The following CAST variants were observed in gnomAD, a reference collection of about 807,000 sequenced individuals.
CAST encodes the protein MIR583 host.
CAST carries 76 observed loss-of-function variants against 119.6 expected under a neutral mutation model. That is an observed-to-expected ratio of 0.64 (90% confidence interval 0.53 to 0.77). CAST has a LOEUF of 0.77. Ranked by LOEUF, CAST falls within the 30% of genes least tolerant of loss-of-function variation. The pLI, the probability that CAST is intolerant of heterozygous loss-of-function variation, is 0.00. For missense variants in CAST, 953 were observed against 946.5 expected, an observed-to-expected ratio of 1.01 and a Z score of -0.09; for synonymous variants, 319 against 331.6, an observed-to-expected ratio of 0.96 and a Z score of 0.41.
At chr5:96,320,906 C>G in the CAST span, among the ~76,000 whole-genome samples, 1 of 152,098 alleles carries the variant, frequency 6.6e-6, no homozygotes, top group Non-Finnish European at 1.5e-5. Flanking sequence ...ATCTGATAGT[C>G]CCCCTTCCCC....
the CAST span, among the ~76,000 whole-genome samples, chr5:96,469,872 TATATATA>T: frequency 4.9e-5 from 5 of 101,842 alleles, no homozygotes; most frequent in African/African-American, 1.5e-4. Context: ...TGTGTATATA[TATATATA>T]ATATATATAT....
chr5:96,202,982 T>A, the CAST span, among the ~76,000 whole-genome samples: 1 of 152,048 alleles, frequency 6.6e-6, no homozygotes, highest in Non-Finnish European at 1.5e-5. Context: ...CATATAAAAT[T>A]TCTACAACTG....
intron 1 of CAST, among the ~76,000 whole-genome samples, chr5:96,598,863 T>C (rs1255175175): frequency 6.6e-6 from 1 of 152,170 alleles, no homozygotes; most frequent in East Asian, 1.9e-4. Context: ...TCTGACTGCT[T>C]TGGGCTGGGA....
At chr5:96,518,397 A>G in the CAST span, among the ~76,000 whole-genome samples, 1 of 152,168 alleles carries the variant, frequency 6.6e-6, no homozygotes, top group Non-Finnish European at 1.5e-5. Context: ...AGGGTGAGAG[A>G]CTCGTGCTTC....
chr5:96,001,161 A>C, the CAST span, among the ~76,000 whole-genome samples: 4 of 152,228 alleles, frequency 2.6e-5, no homozygotes. Flanking sequence ...TTATTCATTA[A>C]GTCAACATTT....
the CAST span, among the ~76,000 whole-genome samples, chr5:96,393,950 A>G: frequency 6.6e-5 from 10 of 152,334 alleles, no homozygotes; most frequent in African/African-American, 2.2e-4. Flanking sequence ...AAGTGTTTCA[A>G]TATTCCAACA....
the CAST span, among the ~76,000 whole-genome samples, chr5:96,073,551 A>AT: frequency 0.016 from 2,370 of 151,956 alleles, 29 homozygotes; most frequent in Non-Finnish European, 0.028. Context: ...CTTGAAGACA[A>AT]TTTTTCCACG....
At chr5:96,349,137 C>CTTTTTTTTTTTTTTTTTTT in the CAST span, among the ~76,000 whole-genome samples, 10 of 31,294 alleles carry the variant, frequency 3.2e-4, no homozygotes, top group African/African-American at 1.4e-3. Context: ...AACAAGGACA[C>CTTTTTTTTTTTTTTTTTTT]TATTTTTTTT....
intron 22 of CAST, among the ~76,000 whole-genome samples, chr5:96,755,684 ATG>A (rs1403421618): frequency 6.6e-6 from 1 of 152,222 alleles, no homozygotes; most frequent in Non-Finnish European, 1.5e-5. Flanking sequence ...TCACTCATCC[ATG>A]TGCACTAGCC....
At chr5:96,140,935 T>C in the CAST span, among the ~76,000 whole-genome samples, 1 of 152,216 alleles carries the variant, frequency 6.6e-6, no homozygotes, top group African/African-American at 2.4e-5. Context: ...CATTACACTG[T>C]GTCTTTTTGA....
chr5:96,447,233 A>G, the CAST span, among the ~76,000 whole-genome samples: 1 of 152,246 alleles, frequency 6.6e-6, no homozygotes. Context: ...CAAGTGATAC[A>G]GTGACAGCTG....
chr5:96,172,342 CAGTT>C, the CAST span, among the ~76,000 whole-genome samples: 7 of 152,314 alleles, frequency 4.6e-5, no homozygotes, highest in South Asian at 1.5e-3. Context: ...TGTGATTCTT[CAGTT>C]ACTTCAGCCA....
At chr5:96,356,824 T>G in the CAST span, among the ~76,000 whole-genome samples, 7 of 152,234 alleles carry the variant, frequency 4.6e-5, no homozygotes, top group Admixed American at 4.6e-4. Context: ...GGCTCTTTTT[T>G]GCTTCTATAT....
In CAST at chr5:96,774,377, G is replaced by A. The variant is rs1773561497; in HGVS notation, c.*1761G>A. 1.5e-5 allele frequency: 5 copies of A among 338,070 alleles called. No homozygotes were observed. The highest frequency in any genetic ancestry group is 1.2e-4 in the South Asian group (1 of 8,548). The allele number at this position is 338,070 out of a possible 1,614,324, so 20.9% of individuals were successfully genotyped here. ...TTCTTTTTTAATTAGAAATATCTTC[G>A]AGACTTGGGTGTTTGTTAATAACTA... On this transcript the variant is annotated 3_prime_UTR_variant, in exon 32 of 32. Transcript: ENST00000675179.
chr5:96,450,430 A>G, the CAST span, among the ~76,000 whole-genome samples: 2 of 152,086 alleles, frequency 1.3e-5, no homozygotes, highest in African/African-American at 4.8e-5. Context: ...GACACTGGAG[A>G]CTCCAAAAGG....
intron 1 of CAST, among the ~76,000 whole-genome samples, chr5:96,534,789 G>T (rs1407464789): frequency 9.1e-6 from 1 of 110,324 alleles, no homozygotes; most frequent in East Asian, 2.3e-4. Context: ...AAGAAAGAAA[G>T]AAAGAAAGAA....
At chr5:96,193,230 T>C in the CAST span, among the ~76,000 whole-genome samples, 1 of 152,308 alleles carries the variant, frequency 6.6e-6, no homozygotes, top group Non-Finnish European at 1.5e-5. Context: ...TATGTTTTAA[T>C]GATGTATTTG....
chr5:96,052,463 A>T, the CAST span, among the ~76,000 whole-genome samples: 2 of 152,220 alleles, frequency 1.3e-5, no homozygotes, highest in Non-Finnish European at 2.9e-5. Context: ...CCAGGAATAG[A>T]TTAATTGGAT....
the CAST span, among the ~76,000 whole-genome samples, chr5:96,229,490 G>A: frequency 6.6e-6 from 1 of 152,150 alleles, no homozygotes; most frequent in South Asian, 2.1e-4. Context: ...ATGAAGCTTG[G>A]AGAAGCACAG....
Sources: gnomAD v4.1 joint callset for allele counts (sites outside exome capture counted in the v4.1 genomes callset) on GRCh38, gnomAD v4.1.1 for gene constraint, MANE v1.5 for transcripts, NCBI Gene and HGNC (gene_info 2026-07-23, HGNC 2026-07-21) for gene names.